The following AOPEP variants were observed in gnomAD, a reference collection of about 807,000 sequenced individuals.
The protein encoded by AOPEP is aminopeptidase O (putative).
AOPEP carries 77 observed loss-of-function variants against 98.1 expected under a neutral mutation model. The ratio of observed to expected loss-of-function variants is 0.78; its 90% CI spans 0.65 to 0.95. AOPEP has a LOEUF of 0.95. AOPEP is among the 40% of genes least tolerant of loss of function. AOPEP has a pLI of 0.00. For synonymous variants in AOPEP, 346 were observed against 365.3 expected (o/e 0.95, Z 0.60); for missense variants, 1,024 against 1,024.7 (o/e 1.00, Z 0.01).
Position 94,728,239 on chromosome 9 carries a change from G to GCGCGCGCGCGCGCACACACACACA in AOPEP, c.-136+1489_-136+1490insGCGCGCGCGCGCACACACACACAC, listed in dbSNP as rs113657409. On this transcript the variant is annotated intron_variant, in intron 1 of 16. Coordinates refer to ENST00000375315, the MANE Select transcript of AOPEP (RefSeq NM_001193329.3). Reference sequence around the variant, plus strand: ...TGTGATCCTTCCTGCGTGCGCGCATGCACACACACACACACACACACACAC... The same window carrying GCGCGCGCGCGCGCACACACACACA: ...TGTGATCCTTCCTGCGTGCGCGCATGCGCGCGCGCGCGCACACACACACACACACACACACACACACACACACAC... Among the ~76,000 whole-genome samples, 584 of 146,582 alleles carry GCGCGCGCGCGCGCACACACACACA rather than the reference G, an allele frequency of 4.0e-3. 4 individuals carry two copies. The highest frequency in any genetic ancestry group is 8.1e-3 in the Admixed American group (119 of 14,620).
At chr9:94,984,491 C>T (rs1013651748) in intron 11 of AOPEP, among the ~76,000 whole-genome samples, 2 of 151,970 alleles carry the variant, frequency 1.3e-5, no homozygotes, top group African/African-American at 4.8e-5. Context: ...AATTTAACAC[C>T]CAAATTGAGA....
intron 14 of AOPEP, among the ~76,000 whole-genome samples, chr9:95,076,785 G>GA (rs1205897418): frequency 2.6e-5 from 4 of 152,214 alleles, no homozygotes; most frequent in Admixed American, 1.3e-4. Flanking sequence ...TATTAATCTA[G>GA]AAAAAAGGAT....
intron 1 of AOPEP, among the ~76,000 whole-genome samples, chr9:94,753,173 T>C (rs527899259): frequency 1.3e-5 from 2 of 152,226 alleles, no homozygotes. Context: ...ATGGTTGCTG[T>C]TTGAAGCTAC....
rs945430180 is a variant in AOPEP, at chr9:94,741,430, G to A, written c.-136+14679G>A. ...TGGGACTACAGGCGCCCGCCACCAT[G>A]CCTGGCTAATTTTTGTATTTTTAGT... On this transcript the variant is annotated intron_variant, in intron 1 of 16. Coordinates refer to ENST00000375315, the MANE Select transcript of AOPEP (RefSeq NM_001193329.3). Among the ~76,000 whole-genome samples the A allele has an allele frequency of 1.3e-4, 19 of 151,994 alleles. 1 individual carries two copies. The highest frequency in any genetic ancestry group is 1.0e-3 in the South Asian group (5 of 4,810).
At chr9:94,762,382 G>A (rs1838538549) in intron 2 of AOPEP, among the ~76,000 whole-genome samples, 2 of 151,918 alleles carry the variant, frequency 1.3e-5, no homozygotes, top group African/African-American at 2.4e-5. Flanking sequence ...GGGAGGCAGA[G>A]CTTGCAGTGA....
chr9:95,086,144 C>T, intron 16 of AOPEP: 1 of 1,354,160 alleles, frequency 7.4e-7, no homozygotes, highest in Non-Finnish European at 9.8e-7. Context: ...CTCAGGAGAG[C>T]TGGGGCTCCC....
At position 94,760,560 on chromosome 9, in the gene AOPEP, G is replaced by A. The variant is rs1043405296; in HGVS notation, c.777G>A (p.Trp259Ter). The change falls in exon 2 of 17, where the codon TGG becomes TGA. Residue 259 changes from tryptophan (W) to a stop codon, truncating the protein, a stop_gained. Coordinates refer to ENST00000375315, the MANE Select transcript of AOPEP (RefSeq NM_001193329.3). LOFTEE classifies it high-confidence loss of function. Reference protein sequence around the residue: ...KTKPEGRSVTWTSDQSGRPCV... With the variant: ...KTKPEGRSVT ...AACCTGAAGGGCGATCGGTTACATGGACCTCAGACCAGAGTGGCAGGTAGG... is the reference window on the plus strand; with the variant it reads ...AACCTGAAGGGCGATCGGTTACATGAACCTCAGACCAGAGTGGCAGGTAGG... 3.8e-5 allele frequency: 58 copies of A among 1,543,920 alleles called. No individual in the cohort carries two copies. Among genetic ancestry groups the A allele is most frequent in the Non-Finnish European group, 5.0e-5 (57 of 1,149,120 alleles).
intron 13 of AOPEP, among the ~76,000 whole-genome samples, chr9:95,017,336 C>T (rs1490184295): frequency 6.6e-6 from 1 of 152,120 alleles, no homozygotes; most frequent in East Asian, 1.9e-4. Context: ...ATGGTAGAGC[C>T]TATTGCTCCT....
intron 5 of AOPEP, among the ~76,000 whole-genome samples, chr9:94,902,663 A>G (rs1196324621): frequency 6.6e-6 from 1 of 152,160 alleles, no homozygotes; most frequent in East Asian, 1.9e-4. Context: ...GAATTTTCTT[A>G]GATAGAAATA....
intron 5 of AOPEP, among the ~76,000 whole-genome samples, chr9:94,853,617 G>T (rs2135242563): frequency 6.6e-6 from 1 of 152,150 alleles, no homozygotes; most frequent in South Asian, 2.1e-4. Flanking sequence ...CAAAATAGTG[G>T]TTTTTCAAAG....
rs1305991124 is a variant in AOPEP at position 94,980,833 on chromosome 9, C to T, written c.1977+1406C>T. On this transcript the variant is annotated intron_variant, in intron 11 of 16. Coordinates refer to ENST00000375315, the MANE Select transcript of AOPEP (RefSeq NM_001193329.3). The surrounding 1 kb of genome is among the most constrained non-coding windows in gnomAD (Gnocchi z 4.3). The stretch of plus-strand genomic sequence containing the variant: ...AACCAGACTACTCACTGAGGACAAA[C>T]ATCCAGGAAAAACAAGTTAAGGTTT... Among the ~76,000 whole-genome samples, 1 of 152,224 alleles carries T rather than the reference C, an allele frequency of 6.6e-6. No individual in the cohort carries two copies. The highest frequency in any genetic ancestry group is 1.5e-5 in the Non-Finnish European group (1 of 68,034).
At chr9:94,813,279 C>T (rs1363841378) in intron 5 of AOPEP, among the ~76,000 whole-genome samples, 2 of 152,140 alleles carry the variant, frequency 1.3e-5, no homozygotes, top group Admixed American at 6.5e-5. Context: ...ACCTGATAAT[C>T]TAAAATAACT....
intron 7 of AOPEP, among the ~76,000 whole-genome samples, chr9:94,937,516 T>C (rs1446473517): frequency 2.6e-5 from 4 of 152,216 alleles, no homozygotes; most frequent in Admixed American, 6.5e-5. Context: ...TATTCTGAGG[T>C]ACAGGGGGAT....
At chr9:94,893,013 T>C (rs72748565) in intron 5 of AOPEP, among the ~76,000 whole-genome samples, 4,394 of 152,294 alleles carry the variant, frequency 0.029, 168 homozygotes, top group African/African-American at 0.084. Context: ...ATTTTCTTGA[T>C]ATAGTGCCTC....
At chr9:94,796,576 C>T (rs1420556767) in intron 4 of AOPEP, among the ~76,000 whole-genome samples, 1 of 152,222 alleles carries the variant, frequency 6.6e-6, no homozygotes, top group African/African-American at 2.4e-5. Context: ...CCAACTTTCA[C>T]AGGGGCCTGC....
rs149337580 is a variant in AOPEP, at chr9:94,747,104, A to G, written c.-135-12545A>G. On this transcript the variant is annotated intron_variant, in intron 1 of 16. Coordinates refer to ENST00000375315, the MANE Select transcript of AOPEP (RefSeq NM_001193329.3). ...GTCTTTCATTACATGATCACAAATT[A>G]TATGCAGTCACTCTTACGTGCTTCC... Among the ~76,000 whole-genome samples the G allele has an allele frequency of 2.7e-3, 414 of 150,722 alleles. 7 individuals carry two copies. Among genetic ancestry groups the G allele is most frequent in the Admixed American group, 0.025 (372 of 15,106 alleles).
intron 5 of AOPEP, among the ~76,000 whole-genome samples, chr9:94,887,350 A>AAATAATAATAAT (rs372787659): frequency 1.3e-5 from 2 of 150,700 alleles, no homozygotes; most frequent in African/African-American, 4.9e-5. Flanking sequence ...CCTGTCTCCA[A>AAATAATAATAAT]AATAATAATA....
intron 9 of AOPEP, among the ~76,000 whole-genome samples, chr9:94,962,525 T>C (rs2058913883): frequency 6.6e-6 from 1 of 152,196 alleles, no homozygotes; most frequent in African/African-American, 2.4e-5. Context: ...GCCATGAGGC[T>C]GTCCTTGTTT....
At chr9:94,966,896 T>C (rs955778672) in intron 9 of AOPEP, among the ~76,000 whole-genome samples, 3 of 152,194 alleles carry the variant, frequency 2.0e-5, no homozygotes, top group African/African-American at 7.2e-5. Flanking sequence ...AAACGAACAT[T>C]CATATTCGAA....
Sources: gnomAD v4.1 joint callset for allele counts (sites outside exome capture counted in the v4.1 genomes callset) on GRCh38, gnomAD v4.1.1 for gene constraint, Gnocchi (gnomAD v3.1) non-coding constraint, MANE v1.5 for transcripts, NCBI Gene and HGNC (gene_info 2026-07-23, HGNC 2026-07-21) for gene names.